The following EPHX4 variants were observed in gnomAD, a reference collection of about 807,000 sequenced individuals.
EPHX4 encodes epoxide hydrolase 4.
In EPHX4, 31 loss-of-function variants were observed where a neutral mutation model predicts 44.9. The ratio of observed to expected loss-of-function variants is 0.69; its 90% confidence interval spans 0.52 to 0.93. The LOEUF (loss-of-function observed/expected upper bound fraction) is 0.93, where lower values mean the gene tolerates loss of function less well. Ranked by LOEUF, EPHX4 falls within the 40% of genes least tolerant of loss-of-function variation. The probability of loss-of-function intolerance (pLI) is 0.00; values close to 1 mark genes in which losing one functional copy is unlikely to be tolerated. For synonymous variants in EPHX4, 151 were observed against 159.7 expected (o/e 0.95, Z 0.41); for missense variants, 373 against 438.1 (o/e 0.85, Z 1.33).
intron 3 of EPHX4, among the ~76,000 whole-genome samples, chr1:92,043,970 A>G (rs936912093): frequency 6.6e-6 from 1 of 152,362 alleles, no homozygotes; most frequent in Non-Finnish European, 1.5e-5. Flanking sequence ...AGCAAATCAC[A>G]TGGCCAAGTC....
intron 2 of EPHX4, among the ~76,000 whole-genome samples, chr1:92,039,434 G>A (rs1410371830): frequency 6.6e-6 from 1 of 152,134 alleles, no homozygotes; most frequent in Non-Finnish European, 1.5e-5. Flanking sequence ...TATTGATTGG[G>A]TAGGATGGAT....
At chr1:92,050,203 T>TA (rs1647224130) in intron 4 of EPHX4, 114 bp from the exon 5 acceptor site, 3 of 660,472 alleles carry the variant, frequency 4.5e-6, no homozygotes, top group African/African-American at 1.9e-5. Context: ...AAGCCTTACT[T>TA]ATGGATTCTT....
At chr1:92,033,081 C>CT (rs35411599) in intron 2 of EPHX4, among the ~76,000 whole-genome samples, 16,621 of 137,586 alleles carry the variant, frequency 0.12, 1,396 homozygotes, top group East Asian at 0.42. Context: ...CCACACCTAG[C>CT]TTTTTTTTTT....
chr1:92,046,534 G>C (rs1688583789), intron 4 of EPHX4, among the ~76,000 whole-genome samples: 1 of 152,130 alleles, frequency 6.6e-6, no homozygotes, highest in South Asian at 2.1e-4. Context: ...CGCCATCTCG[G>C]CTCACTGCAA....
chr1:92,044,900 G>A (rs1688562084), intron 3 of EPHX4, among the ~76,000 whole-genome samples: 1 of 152,118 alleles, frequency 6.6e-6, no homozygotes, highest in African/African-American at 2.4e-5. Context: ...CATGGGACCA[G>A]AGCTGAGCAA....
rs775901841 is a variant in EPHX4 at position 92,052,579 on chromosome 1, G to A, written c.778G>A (p.Asp260Asn). 1.9e-6 allele frequency: 3 copies of A among 1,612,724 alleles called. No individual in the cohort carries two copies. In the African/African-American group the frequency reaches 4.0e-5, roughly 22 times the overall value. The change falls in exon 6 of 7, where the codon GAT becomes AAT. Residue 260 changes from aspartate (D) to asparagine (N), a missense_variant. Asp to Asn is a conservative substitution (Grantham distance 23). Transcript: ENST00000370383. ...AAAAGGATGCCAATTAACAACAGAG[G>A]ATCTTGAAGCTTATATTTATGTCTT... is the stretch of plus-strand genomic sequence containing the variant. The part of the protein sequence containing the change: ...GRKGCQLTTE[D>N]LEAYIYVFSQ...
chr1:92,048,730 A>T (rs1488288850), intron 4 of EPHX4, among the ~76,000 whole-genome samples: 1 of 151,892 alleles, frequency 6.6e-6, no homozygotes, highest in Admixed American at 6.6e-5. Flanking sequence ...TAGAGACAGG[A>T]TCTCATTTAG....
intron 1 of EPHX4, 138 bp from the exon 2 acceptor site, chr1:92,032,367 T>G: frequency 1.6e-6 from 1 of 621,298 alleles, no homozygotes; most frequent in Non-Finnish European, 2.8e-6. Context: ...GGCAACTGAG[T>G]GTCATGAAGA....
At chr1:92,043,030 C>G (rs768210047) in intron 3 of EPHX4, 50 bp downstream of exon 3, 1 of 1,403,424 alleles carries the variant, frequency 7.1e-7, no homozygotes, top group Non-Finnish European at 9.8e-7. Flanking sequence ...AAACATTCAA[C>G]AAATTGTGAA....
At chr1:92,038,536 C>T (rs757173830) in intron 2 of EPHX4, among the ~76,000 whole-genome samples, 3 of 152,232 alleles carry the variant, frequency 2.0e-5, no homozygotes, top group East Asian at 3.9e-4. Flanking sequence ...ACCCAGGAAA[C>T]GATCTCGTGG....
chr1:92,046,265 G>C (rs1688579948), intron 4 of EPHX4, among the ~76,000 whole-genome samples: 2 of 152,120 alleles, frequency 1.3e-5, no homozygotes, highest in African/African-American at 4.8e-5. Context: ...TTAGTGAAAA[G>C]AGTGTCATCG....
chr1:92,052,784 AG>A (rs1647290566), intron 6 of EPHX4, 126 bp downstream of exon 6: 1 of 816,894 alleles, frequency 1.2e-6, no homozygotes, highest in Non-Finnish European at 1.8e-6. Context: ...TAATTTTTTT[AG>A]TAAGTTGCAT....
intron 3 of EPHX4, among the ~76,000 whole-genome samples, chr1:92,044,112 G>GT (rs1356546238): frequency 6.6e-6 from 1 of 152,164 alleles, no homozygotes; most frequent in Non-Finnish European, 1.5e-5. Flanking sequence ...CCATCAGTAT[G>GT]TTAATGGAAG....
chr1:92,045,749 GT>G, intron 4 of EPHX4, 89 bp downstream of exon 4: 2 of 1,456,972 alleles, frequency 1.4e-6, no homozygotes, highest in Non-Finnish European at 1.9e-6. Context: ...GCAAAATTTG[GT>G]TACTATCATA....
intron 5 of EPHX4, among the ~76,000 whole-genome samples, chr1:92,051,656 A>G (rs1194689104): frequency 6.6e-6 from 1 of 152,080 alleles, no homozygotes; most frequent in Non-Finnish European, 1.5e-5. Context: ...GGTGCTGTGT[A>G]TTTCCTAACG....
chr1:92,031,920 G>GA (rs1427756313), intron 1 of EPHX4, among the ~76,000 whole-genome samples: 47 of 152,192 alleles, frequency 3.1e-4, no homozygotes, highest in East Asian at 5.8e-4. Flanking sequence ...GCAGCAAGGG[G>GA]AACAGAACAT....
At chr1:92,037,725 G>A (rs1488938233) in intron 2 of EPHX4, among the ~76,000 whole-genome samples, 2 of 152,174 alleles carry the variant, frequency 1.3e-5, no homozygotes, top group African/African-American at 4.8e-5. Flanking sequence ...GTAAAACCAG[G>A]AGCCCTCCTA....
chr1:92,050,997 T>C (rs1275294310), intron 5 of EPHX4, among the ~76,000 whole-genome samples: 1 of 151,982 alleles, frequency 6.6e-6, no homozygotes, highest in African/African-American at 2.4e-5. Flanking sequence ...CATGCCCCGC[T>C]AGTTTTTGTA....
intron 4 of EPHX4, among the ~76,000 whole-genome samples, chr1:92,049,483 T>C (rs1647206965): frequency 6.6e-6 from 1 of 152,228 alleles, no homozygotes; most frequent in South Asian, 2.1e-4. Flanking sequence ...GTTCATTGTT[T>C]GTGGGAACCT....
Sources: gnomAD v4.1 joint callset for allele counts (sites outside exome capture counted in the v4.1 genomes callset) on GRCh38, gnomAD v4.1.1 for gene constraint, MANE v1.5 for transcripts, NCBI Gene and HGNC (gene_info 2026-07-23, HGNC 2026-07-21) for gene names.